Variants in SUGCT observed in about 807,000 individuals in gnomAD.
SUGCT encodes succinyl-CoA:glutarate CoA-transferase.
SUGCT carries 41 observed loss-of-function variants against 55.0 expected under a neutral mutation model. The observed-to-expected ratio is 0.74, with a 90% CI of 0.58 to 0.97. SUGCT has a LOEUF of 0.97. Among genes scored for constraint, SUGCT ranks in the 50% least tolerant of loss-of-function variants. The pLI is 0.00. For synonymous variants in SUGCT, 187 were observed against 200.4 expected, an observed-to-expected ratio of 0.93 and a Z score of 0.56; for missense variants, 568 against 547.8, an observed-to-expected ratio of 1.04 and a Z score of -0.37.
intron 12 of SUGCT, among the ~76,000 whole-genome samples, chr7:40,535,046 A>G (rs1794288975): frequency 6.6e-6 from 1 of 152,220 alleles, no homozygotes; most frequent in Admixed American, 6.5e-5. Context: ...AATTAAATAT[A>G]ATATCTTCAT....
chr7:40,930,551 G>T, the SUGCT span, among the ~76,000 whole-genome samples: 1 of 152,156 alleles, frequency 6.6e-6, no homozygotes, highest in South Asian at 2.1e-4. Flanking sequence ...TCCTATCCAT[G>T]AGCATGGAGT....
intron 1 of SUGCT, among the ~76,000 whole-genome samples, chr7:40,147,668 C>T (rs1159393658): frequency 6.6e-6 from 1 of 152,222 alleles, no homozygotes; most frequent in Non-Finnish European, 1.5e-5. Flanking sequence ...GCCAGTTTCT[C>T]TCCGCGTTGC....
intron 11 of SUGCT, among the ~76,000 whole-genome samples, chr7:40,467,209 A>G (rs1790164179): frequency 1.3e-5 from 2 of 149,188 alleles, no homozygotes; most frequent in East Asian, 3.9e-4. Flanking sequence ...AAAAAGAAAA[A>G]AAAAAAAAAA....
the SUGCT span, among the ~76,000 whole-genome samples, chr7:40,986,695 T>C: frequency 4.9e-3 from 745 of 152,312 alleles, 1 homozygote; most frequent in South Asian, 7.5e-3. Flanking sequence ...ATCGCTGAGA[T>C]GGAAAGCAGA....
intron 12 of SUGCT, among the ~76,000 whole-genome samples, chr7:40,730,516 CT>C (rs368130492): frequency 1.8e-4 from 27 of 152,262 alleles, no homozygotes; most frequent in Middle Eastern, 6.8e-3. Flanking sequence ...TAATTAATAT[CT>C]GCAATACCTC....
At chr7:40,844,705 G>T (rs965379972) in intron 13 of SUGCT, among the ~76,000 whole-genome samples, 6 of 152,218 alleles carry the variant, frequency 3.9e-5, no homozygotes, top group Non-Finnish European at 7.3e-5. Flanking sequence ...CTTGAGGGTG[G>T]GGCCCTCGCC....
intron 6 of SUGCT, among the ~76,000 whole-genome samples, chr7:40,213,641 G>A (rs1316466359): frequency 2.6e-5 from 4 of 152,196 alleles, no homozygotes; most frequent in Non-Finnish European, 5.9e-5. Context: ...CTGAGGAGGT[G>A]TGGAGTATCT....
the SUGCT span, among the ~76,000 whole-genome samples, chr7:41,019,841 T>G: frequency 6.6e-6 from 1 of 152,222 alleles, no homozygotes; most frequent in South Asian, 2.1e-4. Context: ...AAAACAAATT[T>G]TTAAAAAAGT....
At chr7:41,023,448 C>T in the SUGCT span, among the ~76,000 whole-genome samples, 1 of 151,608 alleles carries the variant, frequency 6.6e-6, no homozygotes, top group Non-Finnish European at 1.5e-5. Flanking sequence ...CAGGACAATA[C>T]AAATTAATAA....
At chr7:40,207,991 A>T (rs1454029637) in intron 6 of SUGCT, among the ~76,000 whole-genome samples, 1 of 152,164 alleles carries the variant, frequency 6.6e-6, no homozygotes, top group Admixed American at 6.6e-5. Context: ...ATAATGATGG[A>T]ATATTATTCA....
At chr7:40,566,387 G>C (rs1266925887) in intron 12 of SUGCT, among the ~76,000 whole-genome samples, 2 of 152,164 alleles carry the variant, frequency 1.3e-5, no homozygotes, top group African/African-American at 2.4e-5. Context: ...ACATATTTCA[G>C]AGACCAGGCT....
At chr7:40,937,906 A>G in the SUGCT span, among the ~76,000 whole-genome samples, 1 of 152,216 alleles carries the variant, frequency 6.6e-6, no homozygotes, top group Non-Finnish European at 1.5e-5. Flanking sequence ...TTTTGGGATG[A>G]AACTATTCCA....
chr7:40,172,356 A>C (rs1309910835), intron 1 of SUGCT, among the ~76,000 whole-genome samples: 1 of 152,148 alleles, frequency 6.6e-6, no homozygotes, highest in African/African-American at 2.4e-5. Context: ...ATAACTGCCC[A>C]TGTCAAGAGC....
chr7:40,808,816 A>G (rs138269466), intron 13 of SUGCT, among the ~76,000 whole-genome samples: 2 of 152,336 alleles, frequency 1.3e-5, no homozygotes, highest in East Asian at 3.9e-4. Flanking sequence ...GTTAGGCAGA[A>G]GAGGAAAGCA....
chr7:40,687,277 T>C (rs1784507510), intron 12 of SUGCT, among the ~76,000 whole-genome samples: 1 of 152,170 alleles, frequency 6.6e-6, no homozygotes, highest in South Asian at 2.1e-4. Context: ...AAGCAAGGGC[T>C]AGCTTCATTG....
intron 1 of SUGCT, among the ~76,000 whole-genome samples, chr7:40,170,171 G>A (rs1430681708): frequency 6.6e-6 from 1 of 152,118 alleles, no homozygotes. Flanking sequence ...GGCCTGTGGG[G>A]AATAATTCTC....
chr7:40,166,508 A>G (rs985073451), intron 1 of SUGCT, among the ~76,000 whole-genome samples: 1 of 152,212 alleles, frequency 6.6e-6, no homozygotes, highest in African/African-American at 2.4e-5. Context: ...ATGATATTCA[A>G]CATCATTAGT....
At chr7:40,694,382 A>G (rs1207462952) in intron 12 of SUGCT, among the ~76,000 whole-genome samples, 1 of 152,220 alleles carries the variant, frequency 6.6e-6, no homozygotes, top group Non-Finnish European at 1.5e-5. Flanking sequence ...CTGGGCTGCC[A>G]TCCCTTTCTT....
chr7:40,326,464 A>C (rs950889316), intron 9 of SUGCT, among the ~76,000 whole-genome samples: 4 of 152,210 alleles, frequency 2.6e-5, no homozygotes, highest in African/African-American at 9.6e-5. Context: ...GGGGCAGAGT[A>C]AATAAATAAA....
Sources: gnomAD v4.1 joint callset for allele counts (sites outside exome capture counted in the v4.1 genomes callset) on GRCh38, gnomAD v4.1.1 for gene constraint, MANE v1.5 for transcripts, NCBI Gene and HGNC (gene_info 2026-07-23, HGNC 2026-07-21) for gene names.